PHTF2: variants seen among roughly 807,000 people sequenced by gnomAD.
PHTF2 encodes the protein protein PHTF2.
In PHTF2, 60 loss-of-function variants were observed where a neutral mutation model predicts 101.2. The ratio of observed to expected loss-of-function variants is 0.59; its 90% CI spans 0.48 to 0.73. The LOEUF is 0.73. Ranked by LOEUF, PHTF2 falls within the 30% of genes least tolerant of loss-of-function variation. PHTF2 has a pLI of 0.00. For missense variants in PHTF2, 747 were observed against 908.7 expected (o/e 0.82, Z 2.29); for synonymous variants, 311 against 307.3 (o/e 1.01, Z -0.13).
At chr7:77,916,655 A>C (rs1802955193) in intron 9 of PHTF2, among the ~76,000 whole-genome samples, 3 of 147,324 alleles carry the variant, frequency 2.0e-5, no homozygotes, top group Admixed American at 2.0e-4. Context: ...CCACCCCCCC[A>C]CCCAGGATAC....
chr7:77,865,807 C>G (rs1798009824), intron 3 of PHTF2, among the ~76,000 whole-genome samples: 1 of 151,888 alleles, frequency 6.6e-6, no homozygotes, highest in Non-Finnish European at 1.5e-5. Context: ...TTTGATGTGC[C>G]ATGTATCAAG....
chr7:77,810,541 T>A (rs946414508), intron 1 of PHTF2, among the ~76,000 whole-genome samples: 1 of 152,134 alleles, frequency 6.6e-6, no homozygotes, highest in African/African-American at 2.4e-5. Flanking sequence ...GACCTCCCAT[T>A]TTTTTTCTTT....
At chr7:77,910,045 C>G in intron 8 of PHTF2, 200 bp from the exon 8 acceptor site, 2 of 480,072 alleles carry the variant, frequency 4.2e-6, no homozygotes, top group Non-Finnish European at 7.4e-6. Context: ...AAGCAAGGAC[C>G]AATACCTTAA....
chr7:77,846,519 G>C (rs1332955191), intron 2 of PHTF2, among the ~76,000 whole-genome samples: 3 of 151,706 alleles, frequency 2.0e-5, no homozygotes, highest in Non-Finnish European at 4.4e-5. Flanking sequence ...GTGAGGCACT[G>C]TTGCCTGAAA....
chr7:77,827,138 A>G (rs554798838), intron 1 of PHTF2, among the ~76,000 whole-genome samples: 51 of 152,312 alleles, frequency 3.3e-4, no homozygotes, highest in African/African-American at 1.2e-3. Flanking sequence ...TGTAGATAAA[A>G]GTTAAAATCA....
At chr7:77,862,160 G>T (rs115128435) in intron 3 of PHTF2, among the ~76,000 whole-genome samples, 3,139 of 152,080 alleles carry the variant, frequency 0.021, 90 homozygotes, top group African/African-American at 0.071. Flanking sequence ...ACTCCAAGGG[G>T]ATCCATCTAT....
intron 1 of PHTF2, among the ~76,000 whole-genome samples, chr7:77,804,600 A>G (rs775803952): frequency 6.6e-5 from 10 of 152,218 alleles, no homozygotes; most frequent in Non-Finnish European, 1.5e-4. Flanking sequence ...TGCTGGGATT[A>G]CAGGCGTGAG....
chr7:77,839,754 C>A (rs1795727300), intron 1 of PHTF2, among the ~76,000 whole-genome samples: 1 of 151,954 alleles, frequency 6.6e-6, no homozygotes, highest in African/African-American at 2.4e-5. Context: ...TATTTTAATT[C>A]AGTTTTGTGT....
intron 3 of PHTF2, among the ~76,000 whole-genome samples, chr7:77,862,599 C>G (rs1252142576): frequency 2.6e-5 from 4 of 152,088 alleles, no homozygotes; most frequent in Admixed American, 2.0e-4. Context: ...AGCTGAAGTT[C>G]TTTATTGAAT....
exon 14 of PHTF2, chr7:77,940,198 G>A (rs2150972893): frequency 6.2e-7 from 1 of 1,613,716 alleles, no homozygotes; most frequent in East Asian, 2.2e-5. Context: ...TTCTAATGAA[G>A]ATGTCATAGT....
intron 1 of PHTF2, among the ~76,000 whole-genome samples, chr7:77,813,379 A>G (rs1177696778): frequency 1.3e-5 from 2 of 152,236 alleles, no homozygotes; most frequent in South Asian, 2.1e-4. Context: ...CGTAGATTGT[A>G]TAAGATAAGC....
intron 1 of PHTF2, among the ~76,000 whole-genome samples, chr7:77,824,743 A>G (rs1476721552): frequency 6.6e-6 from 1 of 152,154 alleles, no homozygotes; most frequent in Non-Finnish European, 1.5e-5. Context: ...ATGTTAAAAG[A>G]AGTAAAATGG....
chr7:77,815,894 C>T (rs1793813279), intron 1 of PHTF2, among the ~76,000 whole-genome samples: 1 of 152,124 alleles, frequency 6.6e-6, no homozygotes, highest in African/African-American at 2.4e-5. Context: ...AGTTACAAGT[C>T]ACATATCTTC....
intron 13 of PHTF2, 46 bp downstream of exon 12, chr7:77,937,884 T>C (rs774561499): frequency 1.0e-6 from 1 of 976,486 alleles, no homozygotes; most frequent in Non-Finnish European, 1.4e-6. Context: ...TAAGACTTAG[T>C]AATTATATAT....
intron 11 of PHTF2, among the ~76,000 whole-genome samples, chr7:77,927,748 G>C (rs1804194954): frequency 6.6e-6 from 1 of 152,190 alleles, no homozygotes; most frequent in Non-Finnish European, 1.5e-5. Context: ...AAGGAGTGCA[G>C]GATTAATGAT....
intron 7 of PHTF2, among the ~76,000 whole-genome samples, chr7:77,905,419 A>T (rs1444995714): frequency 1.3e-5 from 2 of 151,834 alleles, no homozygotes. Flanking sequence ...TTTTGTAGAG[A>T]TGGGGTCTTA....
chr7:77,886,987 A>G (rs935958226), intron 3 of PHTF2, among the ~76,000 whole-genome samples: 1 of 151,858 alleles, frequency 6.6e-6, no homozygotes, highest in African/African-American at 2.4e-5. Context: ...TCAAGGTTGC[A>G]GTGAGCCAAG....
chr7:77,904,191 C>T (rs1801643883), intron 7 of PHTF2, among the ~76,000 whole-genome samples: 1 of 152,194 alleles, frequency 6.6e-6, no homozygotes, highest in African/African-American at 2.4e-5. Flanking sequence ...TTCTATCCCA[C>T]CTTAACCAGG....
At chr7:77,900,462 T>C (rs1210775848) in intron 5 of PHTF2, among the ~76,000 whole-genome samples, 2 of 152,180 alleles carry the variant, frequency 1.3e-5, no homozygotes, top group Admixed American at 1.3e-4. Flanking sequence ...GTATTTGTAG[T>C]AGAATTTTAC....
Sources: gnomAD v4.1 joint callset for allele counts (sites outside exome capture counted in the v4.1 genomes callset) on GRCh38, gnomAD v4.1.1 for gene constraint, MANE v1.5 for transcripts, NCBI Gene and HGNC (gene_info 2026-07-23, HGNC 2026-07-21) for gene names.